LPA: variants seen among roughly 807,000 people sequenced by gnomAD.
LPA encodes the protein apolipoprotein(a).
Under a neutral mutation model 197.9 loss-of-function variants are expected in LPA, and 199 were observed. The observed-to-expected ratio is 1.01, with a 90% CI of 0.90 to 1.13. The LOEUF is 1.13. LPA is among the 50% of genes most tolerant of loss of function. The pLI is 0.00. For missense variants in LPA, 1,853 were observed against 1,785.8 expected (o/e 1.04, Z -0.68); for synonymous variants, 715 against 639.5 (o/e 1.12, Z -1.78).
At chr6:160,562,110 T>C (rs977169079) in intron 28 of LPA, among the ~76,000 whole-genome samples, 1 of 152,238 alleles carries the variant, frequency 6.6e-6, no homozygotes, top group Non-Finnish European at 1.5e-5. Flanking sequence ...CTATGTTGAA[T>C]AGGAGTGGTG....
chr6:160,611,159 C>A (rs1428612111), intron 16 of LPA, among the ~76,000 whole-genome samples: 1 of 152,128 alleles, frequency 6.6e-6, no homozygotes. Context: ...AGCACATAAA[C>A]TTTCCTCATG....
chr6:160,600,632 A>T (rs1232856441), intron 19 of LPA, among the ~76,000 whole-genome samples: 1 of 152,182 alleles, frequency 6.6e-6, no homozygotes, highest in Non-Finnish European at 1.5e-5. Flanking sequence ...TACAATAAGA[A>T]TTTTGTCTAG....
chr6:160,557,355 T>A (rs752415998), intron 29 of LPA, 35 bp downstream of exon 29: 1 of 1,611,244 alleles, frequency 6.2e-7, no homozygotes, highest in Non-Finnish European at 8.5e-7. Flanking sequence ...ATCCCAATGT[T>A]CAAATGTGTA....
Position 160,585,117 on chromosome 6 carries a change from T to C in LPA, c.4218A>G (p.Gly1406=). 1 of 1,613,900 alleles carries C rather than the reference T, an allele frequency of 6.2e-7. No individual in the cohort carries two copies. Among genetic ancestry groups the C allele is most frequent in the Non-Finnish European group, 8.5e-7 (1 of 1,179,836 alleles). Residue 1406 remains glycine (G), a synonymous_variant, in exon 26 of 39, where the codon GGA becomes GGG. Coordinates refer to ENST00000316300, the MANE Select transcript of LPA (RefSeq NM_005577.4). ...TAGACGACCAAGACTGACATGTTCTTCCTGTGATAGTGGTGGAGAGTGTGC... is the reference window on the plus strand; with the variant it reads ...TAGACGACCAAGACTGACATGTTCTCCCTGTGATAGTGGTGGAGAGTGTGC... ...YRGTLSTTIT[G]RTCQSWSSMT...
At chr6:160,565,823 G>A (rs1778442810) in intron 28 of LPA, among the ~76,000 whole-genome samples, 1 of 152,180 alleles carries the variant, frequency 6.6e-6, no homozygotes, top group African/African-American at 2.4e-5. Flanking sequence ...ACAGCATAGA[G>A]AAGACCTTAA....
rs1778984375 is a variant in LPA, at chr6:160,589,573, G to A, written c.3927C>T (p.Thr1309=). 1.2e-6 allele frequency: 2 copies of A among 1,613,666 alleles called. No homozygotes were observed. Among genetic ancestry groups the A allele is most frequent in the African/African-American group, 2.7e-5 (2 of 74,882 alleles). Residue 1309 remains threonine (T), a synonymous_variant, in exon 24 of 39, where the codon ACC becomes ACT. Transcript: ENST00000316300. Reference sequence around the variant, plus strand: ...CATACCCATTTGGGTAGTATTCTGTGGTTCTCTGATGCCAGTGTGGTGTCA... The same window carrying A: ...CATACCCATTTGGGTAGTATTCTGTAGTTCTCTGATGCCAGTGTGGTGTCA... The part of the protein sequence containing the change: ...SSMTPHWHQR[T]TEYYPNGGLT...
intron 37 of LPA, among the ~76,000 whole-genome samples, chr6:160,534,105 C>G (rs866610661): frequency 6.6e-6 from 1 of 150,648 alleles, no homozygotes; most frequent in African/African-American, 2.5e-5. Context: ...AAACTGACAC[C>G]GAATCTGGAG....
At chr6:160,532,751 G>T (rs1054470767) in intron 37 of LPA, 102 bp from the exon 38 acceptor site, 5 of 811,212 alleles carry the variant, frequency 6.2e-6, no homozygotes, top group Non-Finnish European at 1.1e-5. Context: ...CTGTCTGTCC[G>T]TGAGGCTGCA....
At chr6:160,648,751 G>A (rs1024323094) in intron 2 of LPA, among the ~76,000 whole-genome samples, 3 of 151,890 alleles carry the variant, frequency 2.0e-5, no homozygotes, top group African/African-American at 7.3e-5. Flanking sequence ...GTAGTTCTTC[G>A]ATTTGGCTCT....
intron 28 of LPA, among the ~76,000 whole-genome samples, chr6:160,565,895 T>C (rs889683866): frequency 6.6e-6 from 1 of 152,192 alleles, no homozygotes; most frequent in South Asian, 2.1e-4. Flanking sequence ...CAAGTTTCAG[T>C]AGTTGATTCA....
intron 2 of LPA, among the ~76,000 whole-genome samples, chr6:160,648,370 T>C (rs1421056744): frequency 6.6e-6 from 1 of 152,226 alleles, no homozygotes. Context: ...ATTGAGCTTC[T>C]TGAGTCCGTG....
intron 22 of LPA, 56 bp downstream of exon 22, chr6:160,593,902 C>G: frequency 6.2e-7 from 1 of 1,600,340 alleles, no homozygotes; most frequent in Non-Finnish European, 8.6e-7. Flanking sequence ...CATGGCCCTT[C>G]CAAGAGAAAT....
intron 26 of LPA, among the ~76,000 whole-genome samples, chr6:160,584,237 T>TTCTTCTTCTTCTTCTTCC (rs1554235539): frequency 1.4e-4 from 10 of 69,464 alleles, no homozygotes; most frequent in African/African-American, 4.1e-4. Flanking sequence ...CTTCTTCTTC[T>TTCTTCTTCTTCTTCTTCC]TCCTCCTCCT....
intron 28 of LPA, among the ~76,000 whole-genome samples, chr6:160,567,583 A>T (rs1056686908): frequency 1.3e-5 from 2 of 152,228 alleles, no homozygotes; most frequent in African/African-American, 2.4e-5. Context: ...CCATTAAAAG[A>T]ACTAGAGAAG....
chr6:160,553,027 T>C (rs1017968035), intron 30 of LPA, among the ~76,000 whole-genome samples: 2 of 152,204 alleles, frequency 1.3e-5, no homozygotes, highest in Admixed American at 6.5e-5. Flanking sequence ...CCTTAAACTA[T>C]CACATTCAAC....
At chr6:160,537,824 T>C in intron 37 of LPA, 31 bp downstream of exon 37, 1 of 1,594,454 alleles carries the variant, frequency 6.3e-7, no homozygotes, top group Non-Finnish European at 8.6e-7. Flanking sequence ...TCAAAAACAA[T>C]TTGTTACGTG....
intron 28 of LPA, among the ~76,000 whole-genome samples, chr6:160,568,362 A>C (rs1298722312): frequency 6.6e-6 from 1 of 152,262 alleles, no homozygotes; most frequent in Non-Finnish European, 1.5e-5. Context: ...GTAATCCATC[A>C]TATAAACAGA....
At chr6:160,548,099 CA>C (rs1457852953) in intron 31 of LPA, among the ~76,000 whole-genome samples, 162 bp from the exon 32 acceptor site, 1 of 152,132 alleles carries the variant, frequency 6.6e-6, no homozygotes, top group Non-Finnish European at 1.5e-5. Flanking sequence ...CTGCAATGAA[CA>C]CTATTTTAAG....
chr6:160,538,889 A>G (rs1489849319), intron 36 of LPA, among the ~76,000 whole-genome samples: 1 of 152,208 alleles, frequency 6.6e-6, no homozygotes, highest in Non-Finnish European at 1.5e-5. Context: ...TGTTCAAGCC[A>G]TCAGAACACC....
Sources: gnomAD v4.1 joint callset for allele counts (sites outside exome capture counted in the v4.1 genomes callset) on GRCh38, gnomAD v4.1.1 for gene constraint, MANE v1.5 for transcripts, NCBI Gene and HGNC (gene_info 2026-07-23, HGNC 2026-07-21) for gene names.